Variants in POT1 observed in about 807,000 individuals in gnomAD.
The protein encoded by POT1 is protection of telomeres 1.
POT1 carries 47 observed loss-of-function variants against 78.5 expected under a neutral mutation model. The observed-to-expected ratio is 0.60, with a 90% CI of 0.47 to 0.76. The LOEUF is 0.76. Among genes scored for constraint, POT1 ranks in the 30% least tolerant of loss-of-function variants. The probability of loss-of-function intolerance (pLI) is 0.00; values close to 1 mark genes in which losing one functional copy is unlikely to be tolerated. For missense variants in POT1, 646 were observed against 749.9 expected, an observed-to-expected ratio of 0.86 and a Z score of 1.62; for synonymous variants, 259 against 260.7, an observed-to-expected ratio of 0.99 and a Z score of 0.06.
chr7:124,901,034 G>C (rs1796606740), intron 3 of POT1, among the ~76,000 whole-genome samples: 1 of 152,184 alleles, frequency 6.6e-6, no homozygotes, highest in Non-Finnish European at 1.5e-5. Flanking sequence ...TGCAGCTCAA[G>C]GAGGCCTGCC....
At chr7:124,879,026 A>G (rs1796056334) in intron 6 of POT1, among the ~76,000 whole-genome samples, 1 of 152,150 alleles carries the variant, frequency 6.6e-6, no homozygotes, top group African/African-American at 2.4e-5. Context: ...TAAAAATTTA[A>G]AAGGAATTAT....
At chr7:124,858,539 T>C (rs1409259445) in intron 9 of POT1, among the ~76,000 whole-genome samples, 6 of 152,002 alleles carry the variant, frequency 3.9e-5, no homozygotes, top group Admixed American at 3.9e-4. Context: ...ATATTACAAT[T>C]ATAACAAATT....
intron 5 of POT1, among the ~76,000 whole-genome samples, chr7:124,894,430 T>C (rs1258409842): frequency 1.3e-5 from 2 of 151,600 alleles, no homozygotes; most frequent in South Asian, 2.1e-4. Context: ...ACACTAACCA[T>C]TATAATCAAC....
At position 124,863,380 on chromosome 7, in the gene POT1, T is replaced by G. The variant is rs767849387; in HGVS notation, c.516A>C (p.Ala172=). The G allele has an allele frequency of 1.2e-6, 2 of 1,613,576 alleles. No individual in the cohort carries two copies. Among genetic ancestry groups the G allele is most frequent in the South Asian group, 1.1e-5 (1 of 90,968 alleles). Residue 172 remains alanine, a synonymous_variant, in exon 8 of 19, where the codon GCA becomes GCC. Coordinates refer to ENST00000357628, the MANE Select transcript of POT1 (RefSeq NM_015450.3). Reference sequence around the variant, plus strand: ...GAAGAAATGATGCTCCGTCCACTTCTGCTTTGCCCAAGAGCTGACAAGTCA... The same window carrying G: ...GAAGAAATGATGCTCCGTCCACTTCGGCTTTGCCCAAGAGCTGACAAGTCA... ...FDLTCQLLGK[A]EVDGASFLLK... is the part of the protein sequence containing the mutation.
In POT1 at chr7:124,829,042, G is replaced by T. The variant is rs1024231744; in HGVS notation, c.1594+212C>A. ...AAAAACAAAATAGTAAGGCATAGGG[G>T]AAAGTATGTGACGGTGCCTGCTTGA... On this transcript the variant is annotated intron_variant, in intron 16 of 18. Transcript: ENST00000357628. The T allele has an allele frequency of 6.7e-6, 5 of 745,838 alleles. No homozygotes were observed. In the South Asian group the frequency reaches 6.8e-5, roughly 10 times the overall value. 46.2% of individuals were successfully genotyped at this position (745,838 alleles called of 1,614,324 possible).
rs904411985 is a variant in POT1, at chr7:124,834,285, C to T, written c.1505+994G>A. On this transcript the variant is annotated intron_variant, in intron 15 of 18. Transcript: ENST00000357628. The stretch of plus-strand genomic sequence containing the variant: ...CTAATTAAACTAAAGAGCTTCTGCA[C>T]GGCAAAAGAAACTATCATCAGAGTA... 1.7e-4 allele frequency among the ~76,000 whole-genome samples: 26 copies of T among 152,086 alleles called. 1 individual carries two copies. The highest frequency in any genetic ancestry group is 3.6e-4 in the African/African-American group (15 of 41,470).
chr7:124,880,737 T>C (rs1175304323), intron 6 of POT1, among the ~76,000 whole-genome samples: 2 of 152,038 alleles, frequency 1.3e-5, no homozygotes, highest in Non-Finnish European at 2.9e-5. Flanking sequence ...GGCCACCTCT[T>C]GCTTTTGCAG....
In POT1 at chr7:124,877,664, C is replaced by G. The variant is rs533514939; in HGVS notation, c.125-6623G>C. On this transcript the variant is annotated intron_variant, in intron 6 of 18. Coordinates refer to ENST00000357628, the MANE Select transcript of POT1 (RefSeq NM_015450.3). Reference sequence around the variant, plus strand: ...TGGCTAACACAGTGAAACCCCATCTCTACTAAAAAATACAAAAATTTAGCC... The same window carrying G: ...TGGCTAACACAGTGAAACCCCATCTGTACTAAAAAATACAAAAATTTAGCC... Among the ~76,000 whole-genome samples the G allele has an allele frequency of 1.2e-3, 177 of 151,762 alleles. 1 individual carries two copies. The highest frequency in any genetic ancestry group is 3.9e-3 in the African/African-American group (161 of 41,368).
In POT1 at chr7:124,822,627, T is replaced by C; in HGVS notation, c.*1335A>G. ...CAACACGGAAACACACCTGTTCAACTGTAGGGTTTTAAAATATTTTTCCTG... is the reference window on the plus strand; with the variant it reads ...CAACACGGAAACACACCTGTTCAACCGTAGGGTTTTAAAATATTTTTCCTG... On this transcript the variant is annotated 3_prime_UTR_variant, in exon 19 of 19. Transcript: ENST00000357628. 2.4e-6 allele frequency: 1 copy of C among 416,300 alleles called. No homozygotes were observed. Among genetic ancestry groups the C allele is most frequent in the Non-Finnish European group, 5.0e-6 (1 of 201,550 alleles). 25.8% of individuals were successfully genotyped at this position (416,300 alleles called of 1,614,324 possible). A position where few individuals can be genotyped will look rare whatever the true frequency, so the allele number is the denominator to read the frequency against.
intron 11 of POT1, among the ~76,000 whole-genome samples, chr7:124,850,655 C>G (rs145984221): frequency 6.6e-6 from 1 of 151,748 alleles, no homozygotes; most frequent in Non-Finnish European, 1.5e-5. Flanking sequence ...GCCCTGAACC[C>G]GGGAGGCGGA....
chr7:124,839,639 T>C (rs1295062529), intron 14 of POT1, among the ~76,000 whole-genome samples: 1 of 152,196 alleles, frequency 6.6e-6, no homozygotes, highest in African/African-American at 2.4e-5. Context: ...ATTTCTTATA[T>C]TCCTTTTACA....
At chr7:124,876,545 T>A (rs1010237804) in intron 6 of POT1, among the ~76,000 whole-genome samples, 1 of 152,206 alleles carries the variant, frequency 6.6e-6, no homozygotes, top group Non-Finnish European at 1.5e-5. Flanking sequence ...ATCCTCTTTA[T>A]GGATATCTGG....
chr7:124,868,362 T>A (rs1465547252), intron 7 of POT1, among the ~76,000 whole-genome samples: 3 of 152,120 alleles, frequency 2.0e-5, no homozygotes, highest in Non-Finnish European at 4.4e-5. Flanking sequence ...AGCCTCACAA[T>A]ATATAAAACA....
intron 2 of POT1, among the ~76,000 whole-genome samples, chr7:124,925,451 A>C (rs1797250243): frequency 1.3e-5 from 2 of 152,096 alleles, no homozygotes. Flanking sequence ...CGGATGAAAT[A>C]AATTGTAAAC....
chr7:124,898,027 T>A (rs1302704645), intron 4 of POT1, among the ~76,000 whole-genome samples: 1 of 152,030 alleles, frequency 6.6e-6, no homozygotes, highest in Non-Finnish European at 1.5e-5. Flanking sequence ...TGCGGTTTTG[T>A]AAGTTTCATT....
In POT1 at chr7:124,859,851, CAT is replaced by C. The variant is rs201896533; in HGVS notation, c.547-741_547-740del. ...GAGAGTATTGCTCAGAAAAAAAAAA[CAT>C]ATAATATTAACAGAATAGAGAAAAA... On this transcript the variant is annotated intron_variant, in intron 8 of 18. Coordinates refer to ENST00000357628, the MANE Select transcript of POT1 (RefSeq NM_015450.3). 4.3e-3 allele frequency among the ~76,000 whole-genome samples: 625 copies of C among 146,516 alleles called. 8 individuals are homozygous for C. Among genetic ancestry groups the C allele is most frequent in the African/African-American group, 0.014 (580 of 40,012 alleles).
chr7:124,846,608 T>G (rs1430534528), intron 12 of POT1, among the ~76,000 whole-genome samples: 1 of 147,660 alleles, frequency 6.8e-6, no homozygotes, highest in Non-Finnish European at 1.5e-5. Context: ...AAGATATGTG[T>G]CTTTACATTG....
At chr7:124,909,704 C>T (rs1263659752) in intron 3 of POT1, among the ~76,000 whole-genome samples, 2 of 151,846 alleles carry the variant, frequency 1.3e-5, no homozygotes, top group East Asian at 3.9e-4. Flanking sequence ...TAATGAATAC[C>T]TATTTAAAAT....
rs1271909948 is a variant in POT1, at chr7:124,859,091, G to A, written c.568C>T (p.Pro190Ser). The change falls in exon 9 of 19, where the codon CCA (proline) becomes TCA (serine). Residue 190 changes from proline (P) to serine (S), a missense_variant. This residue lies in a region of POT1 where 252 missense variants were observed against 341.4 expected (regional missense o/e 0.74). Coordinates refer to ENST00000357628, the MANE Select transcript of POT1 (RefSeq NM_015450.3). ...ATTAAGACTCTCCAAGATGGAAATG[G>A]TGTCCTGGTGCCATCCCATACCTGC... ...LLKVWDGTRT[P>S]FPSWRVLIQD... The A allele has an allele frequency of 2.5e-6, 4 of 1,600,682 alleles. No homozygotes were observed.
Sources: gnomAD v4.1 joint callset for allele counts (sites outside exome capture counted in the v4.1 genomes callset) on GRCh38, gnomAD v4.1.1 for gene constraint, gnomAD v4.1.1 regional missense constraint, MANE v1.5 for transcripts, NCBI Gene and HGNC (gene_info 2026-07-23, HGNC 2026-07-21) for gene names.